Variants in ZNF707 observed in about 807,000 individuals in gnomAD.
ZNF707 encodes zinc finger protein 707.
In ZNF707, 8 loss-of-function variants were observed where a neutral mutation model predicts 13.3. That is an observed-to-expected ratio of 0.60 (90% CI 0.35 to 1.09). The LOEUF (loss-of-function observed/expected upper bound fraction) is 1.09. ZNF707 is among the 50% of genes least tolerant of loss of function. The probability of loss-of-function intolerance (pLI) is 0.02; values close to 1 mark genes in which losing one functional copy is unlikely to be tolerated. For missense variants in ZNF707, 530 were observed against 512.6 expected (o/e 1.03, Z -0.33); for synonymous variants, 225 against 205.6 (o/e 1.09, Z -0.81).
rs782548081 is a variant in ZNF707 at position 143,694,325 on chromosome 8, G to C, written c.911G>C (p.Ser304Thr). The C allele has an allele frequency of 6.2e-7, 1 of 1,603,990 alleles. No homozygotes were observed. The highest frequency in any genetic ancestry group is 2.2e-5 in the East Asian group (1 of 44,576). The change falls in exon 6 of 6, where the codon AGC (serine) becomes ACC (threonine). Residue 304 changes from serine (S) to threonine (T), a missense_variant. Physicochemically the swap from Ser to Thr is moderately conservative, Grantham distance 58. Transcript: ENST00000358656. The surrounding 1 kb of genome is among the most constrained non-coding windows in gnomAD (Gnocchi z 4.4). ...GKAFRTKENLSHHQRVHSGEK... is the reference protein window; with the variant it reads ...GKAFRTKENLTHHQRVHSGEK... ...GCCTTCCGGACCAAGGAGAACCTCA[G>C]CCACCACCAGAGGGTCCACAGCGGG...
intron 3 of ZNF707, 101 bp from the exon 4 acceptor site, chr8:143,690,972 T>G: frequency 6.9e-7 from 1 of 1,439,478 alleles, no homozygotes; most frequent in East Asian, 2.4e-5. Context: ...AAACAATCAG[T>G]CCACCGCAGG....
chr8:143,686,331 C>T (rs370921065), intron 1 of ZNF707, among the ~76,000 whole-genome samples: 24 of 152,164 alleles, frequency 1.6e-4, no homozygotes, highest in African/African-American at 5.8e-4. Context: ...CTCGGCCTCC[C>T]CAAGTGCTGG....
chr8:143,686,004 G>A lies in ZNF707; in HGVS notation c.-151+1462G>A, dbSNP rs190528707. Reference sequence around the variant, plus strand: ...TAGCCCCTTTCCTGGCCTATCTCACGGTTCTCCCTGACTCTGCTTTCCAGG... The same window carrying A: ...TAGCCCCTTTCCTGGCCTATCTCACAGTTCTCCCTGACTCTGCTTTCCAGG... On this transcript the variant is annotated intron_variant, in intron 1 of 5. Transcript: ENST00000358656. Among the ~76,000 whole-genome samples the A allele has an allele frequency of 2.4e-4, 37 of 152,318 alleles. 1 individual carries two copies. In the East Asian group the frequency reaches 5.6e-3, roughly 23 times the overall value.
chr8:143,687,686 G>A (rs577518650), intron 1 of ZNF707, among the ~76,000 whole-genome samples: 2 of 152,150 alleles, frequency 1.3e-5, no homozygotes, highest in East Asian at 1.9e-4. Flanking sequence ...CTACCTCCTT[G>A]CACTGACTCA....
intron 4 of ZNF707, 96 bp downstream of exon 4, chr8:143,691,295 C>A (rs1816791686): frequency 1.3e-6 from 2 of 1,489,854 alleles, no homozygotes; most frequent in Non-Finnish European, 1.8e-6. Context: ...AGTAGTGGGG[C>A]CTCCCAGCTG....
Position 143,691,198 on chromosome 8 carries a change from G to A in ZNF707, c.141G>A (p.Leu47=), listed in dbSNP as rs782597422. ...MLDNFSSVAA[L]GFCSPRPDLV... ...ACAACTTCAGCAGTGTGGCTGCTCTGGGTGAGCACGGGCTGAGCGCAGCGT... is the reference window on the plus strand; with the variant it reads ...ACAACTTCAGCAGTGTGGCTGCTCTAGGTGAGCACGGGCTGAGCGCAGCGT... The change falls in exon 4 of 6, where the codon CTG becomes CTA. Residue 47 remains leucine (L), a splice_region_variant and synonymous_variant. Coordinates refer to ENST00000358656, the MANE Select transcript of ZNF707 (RefSeq NM_001100598.2). The A allele has an allele frequency of 1.2e-6, 2 of 1,610,918 alleles. No individual in the cohort carries two copies. Among genetic ancestry groups the A allele is most frequent in the Non-Finnish European group, 1.7e-6 (2 of 1,178,172 alleles).
At chr8:143,691,032 T>C (rs1421071613) in intron 3 of ZNF707, 41 bp from the exon 4 acceptor site, 2 of 1,612,008 alleles carry the variant, frequency 1.2e-6, no homozygotes, top group Non-Finnish European at 1.7e-6. Context: ...GAGCCTTCTT[T>C]TTCTTGGGAA....
In ZNF707 at chr8:143,691,676, A is replaced by G; in HGVS notation, c.219A>G (p.Arg73=). The change falls in exon 5 of 6, where the codon AGA becomes AGG. Residue 73 remains arginine (R), a synonymous_variant. Coordinates refer to ENST00000358656, the MANE Select transcript of ZNF707 (RefSeq NM_001100598.2). ...WEEPWVEDRE[R]PEFQAVQRGP... ...AGCCGTGGGTTGAAGACCGGGAGAG[A>G]CCTGAGTTCCAGGCAGTGCAGAGGG... 1 of 1,605,328 alleles carries G rather than the reference A, an allele frequency of 6.2e-7. No individual in the cohort carries two copies. Among genetic ancestry groups the G allele is most frequent in the Non-Finnish European group, 8.5e-7 (1 of 1,176,552 alleles).
rs1367951076 is a variant in ZNF707 at position 143,691,899 on chromosome 8, C to A, written c.256+186C>A. 3.5e-5 allele frequency: 36 copies of A among 1,029,110 alleles called. No individual in the cohort carries two copies. In the East Asian group the frequency reaches 8.8e-4, roughly 25 times the overall value. 63.7% of individuals were successfully genotyped at this position (1,029,110 alleles called of 1,614,324 possible). A position where few individuals can be genotyped will look rare whatever the true frequency, so the allele number is the denominator to read the frequency against. On this transcript the variant is annotated intron_variant, in intron 5 of 5. Coordinates refer to ENST00000358656, the MANE Select transcript of ZNF707 (RefSeq NM_001100598.2). ...AGCCACGCTCCTGCCCTGATGGACA[C>A]TGGCCGGGGGTGGGGCTCGAAAGGC...
intron 2 of ZNF707, 74 bp from the exon 3 acceptor site, chr8:143,689,981 TGG>T (rs35228840): frequency 8.7e-6 from 10 of 1,151,728 alleles, no homozygotes; most frequent in African/African-American, 3.1e-5. Context: ...ATTTGCTGAG[TGG>T]GGGGGCTCCT....
At position 143,694,104 on chromosome 8, in the gene ZNF707, G is replaced by T. The variant is rs782283653; in HGVS notation, c.690G>T (p.Lys230Asn). The T allele has an allele frequency of 6.2e-7, 1 of 1,606,052 alleles. No individual in the cohort carries two copies. The highest frequency in any genetic ancestry group is 8.5e-7 in the Non-Finnish European group (1 of 1,176,966). ...ACCAGAAGAACCACACGCGCGAGAA[G>T]CCCTTCTGCTGCGAGGCCTGCGGGC... is the stretch of plus-strand genomic sequence containing the variant. ...QRHQKNHTRE[K>N]PFCCEACGQA... is the part of the protein sequence containing the mutation. The change falls in exon 6 of 6, where the codon AAG (lysine) becomes AAT (asparagine). Residue 230 changes from lysine (K) to asparagine (N), a missense_variant. Lys to Asn is a moderately conservative substitution (Grantham distance 94). Transcript: ENST00000358656. The surrounding 1 kb of genome is among the most constrained non-coding windows in gnomAD (Gnocchi z 4.4).
chr8:143,694,774 C>T lies in ZNF707; in HGVS notation c.*244C>T, dbSNP rs1242776392. The T allele has an allele frequency of 1.0e-5, 5 of 496,496 alleles. No individual in the cohort carries two copies. The Admixed American group carries it at 1.5e-4, about 15-fold the overall frequency. The allele number at this position is 496,496 out of a possible 1,614,324, so 30.8% of individuals were successfully genotyped here. A position where few individuals can be genotyped will look rare whatever the true frequency, so the allele number is the denominator to read the frequency against. ...GATGGCGGGGGCTGCGCCCCGGCGC[C>T]GGGCATCCTGGGGATGTGCTGAGAG... is the stretch of plus-strand genomic sequence containing the variant. On this transcript the variant is annotated 3_prime_UTR_variant, in exon 6 of 6. Transcript: ENST00000358656. The surrounding 1 kb of genome is among the most constrained non-coding windows in gnomAD (Gnocchi z 4.4).
intron 3 of ZNF707, 29 bp downstream of exon 3, chr8:143,690,152 T>C: frequency 6.2e-7 from 1 of 1,602,206 alleles, no homozygotes. Context: ...GAGCGCAGCC[T>C]CCCTTCTGCC....
Position 143,694,219 on chromosome 8 carries a change from T to G in ZNF707, c.805T>G (p.Phe269Val), listed in dbSNP as rs782397279. 13 of 1,583,164 alleles carry G rather than the reference T, an allele frequency of 8.2e-6. No individual in the cohort carries two copies. The highest frequency in any genetic ancestry group is 1.1e-5 in the Non-Finnish European group (13 of 1,165,148). ...PYSCGDCGKA[F>V]KQKSNLLRHQ... is the part of the protein sequence containing the mutation. Reference sequence around the variant, plus strand: ...CTCGTGTGGCGACTGTGGGAAAGCCTTCAAGCAGAAGTCCAACCTTCTCAG... The same window carrying G: ...CTCGTGTGGCGACTGTGGGAAAGCCGTCAAGCAGAAGTCCAACCTTCTCAG... The change falls in exon 6 of 6, where the codon TTC becomes GTC. Residue 269 changes from phenylalanine to valine, a missense_variant. By Grantham distance (50) the Phe-to-Val change is conservative. Coordinates refer to ENST00000358656, the MANE Select transcript of ZNF707 (RefSeq NM_001100598.2). This position sits in a 1 kb window ranked among gnomAD's most constrained non-coding sequence, Gnocchi z 4.4.
In ZNF707 at chr8:143,693,378, C is replaced by A. The variant is rs1362655987; in HGVS notation, c.257-293C>A. Among the ~76,000 whole-genome samples, 1 of 151,722 alleles carries A rather than the reference C, an allele frequency of 6.6e-6. No individual in the cohort carries two copies. Among genetic ancestry groups the A allele is most frequent in the African/African-American group, 2.4e-5 (1 of 41,316 alleles). On this transcript the variant is annotated intron_variant, in intron 5 of 5. Transcript: ENST00000358656. The surrounding 1 kb of genome is among the most constrained non-coding windows in gnomAD (Gnocchi z 4.1). ...TCTCGGCTCACTGCAAGCTCCGCTTCCCGGGTTCACGCCATTCTCCTGCCT... is the reference window on the plus strand; with the variant it reads ...TCTCGGCTCACTGCAAGCTCCGCTTACCGGGTTCACGCCATTCTCCTGCCT...
intron 3 of ZNF707, 76 bp downstream of exon 3, chr8:143,690,199 A>T: frequency 6.4e-7 from 1 of 1,564,944 alleles, no homozygotes; most frequent in South Asian, 1.1e-5. Flanking sequence ...ACACGCGGGG[A>T]GGGTCTGTGG....
intron 5 of ZNF707, 192 bp downstream of exon 5, chr8:143,691,905 G>T (rs782813797): frequency 8.5e-6 from 9 of 1,055,084 alleles, no homozygotes; most frequent in South Asian, 1.4e-5. Flanking sequence ...GACACTGGCC[G>T]GGGGTGGGGC....
In ZNF707 at chr8:143,693,593, C is replaced by G; in HGVS notation, c.257-78C>G. On this transcript the variant is annotated intron_variant, in intron 5 of 5. Coordinates refer to ENST00000358656, the MANE Select transcript of ZNF707 (RefSeq NM_001100598.2). The surrounding 1 kb of genome is among the most constrained non-coding windows in gnomAD (Gnocchi z 4.1). ...TACAGGCGTGAGCCACCGCGCCCGG[C>G]CTCCTCTGGGCTTTGCTGGAGGCAC... The G allele has an allele frequency of 1.4e-6, 2 of 1,443,798 alleles. No individual in the cohort carries two copies. The highest frequency in any genetic ancestry group is 3.0e-5 in the South Asian group (2 of 65,900). The allele number at this position is 1,443,798 out of a possible 1,614,324, so 89.4% of individuals were successfully genotyped here.
intron 2 of ZNF707, 58 bp from the exon 3 acceptor site, chr8:143,689,999 C>A: frequency 7.0e-7 from 1 of 1,430,056 alleles, no homozygotes; most frequent in Non-Finnish European, 9.7e-7. Context: ...CTCCTGGGGT[C>A]AGGTGCGGGG....
Sources: gnomAD v4.1 joint callset for allele counts (sites outside exome capture counted in the v4.1 genomes callset) on GRCh38, gnomAD v4.1.1 for gene constraint, Gnocchi (gnomAD v3.1) non-coding constraint, MANE v1.5 for transcripts, NCBI Gene and HGNC (gene_info 2026-07-23, HGNC 2026-07-21) for gene names.